The following GRIA3 variants were observed in gnomAD, a reference collection of about 807,000 sequenced individuals.
GRIA3 encodes the protein glutamate ionotropic receptor AMPA type subunit 3.
A neutral mutation model predicts 63.0 loss-of-function variants in GRIA3; 3 were observed. The ratio of observed to expected loss-of-function variants is 0.05; its 90% CI spans 0.02 to 0.12. The LOEUF (loss-of-function observed/expected upper bound fraction) is 0.12. GRIA3 is among the 10% of genes least tolerant of loss of function. The probability of loss-of-function intolerance (pLI) is 1.00; values close to 1 mark genes in which losing one functional copy is unlikely to be tolerated. For synonymous variants in GRIA3, 274 were observed against 257.9 expected (o/e 1.06, Z -0.60); for missense variants, 347 against 700.9 (o/e 0.50, Z 5.70).
At chrX:123,473,837 C>T (rs1328724306) in intron 13 of GRIA3, among the ~76,000 whole-genome samples, 2 of 111,765 alleles carry the variant, frequency 1.8e-5, no homozygotes, top group Non-Finnish European at 3.8e-5. Flanking sequence ...GCAAATGCAC[C>T]ACCCTTGCTC....
chrX:123,423,726 T>C (rs1044759782), intron 11 of GRIA3, among the ~76,000 whole-genome samples: 5 of 111,994 alleles, frequency 4.5e-5, no homozygotes, highest in Non-Finnish European at 9.4e-5. Flanking sequence ...GTTTGTACAA[T>C]AGAGAAGCAG....
chrX:123,225,643 T>C (rs16997193), intron 2 of GRIA3, among the ~76,000 whole-genome samples: 2 of 104,084 alleles, frequency 1.9e-5, no homozygotes, highest in African/African-American at 7.3e-5. Context: ...ATCCAAAGAC[T>C]TTTTTTCTAC....
intron 5 of GRIA3, among the ~76,000 whole-genome samples, chrX:123,384,192 G>A (rs981602927): frequency 5.4e-5 from 6 of 112,065 alleles, no homozygotes; most frequent in Admixed American, 9.5e-5. Context: ...ATAATGCAAC[G>A]ATTTATATTC....
chrX:123,229,618 G>T (rs1210781324), intron 2 of GRIA3, among the ~76,000 whole-genome samples: 2 of 111,470 alleles, frequency 1.8e-5, no homozygotes, highest in Non-Finnish European at 3.8e-5. Flanking sequence ...AGAGCAAGGT[G>T]CTTGTCTGGG....
At chrX:123,204,535 A>G in intron 2 of GRIA3, 1 of 1,164,124 alleles carries the variant, frequency 8.6e-7, no homozygotes, top group East Asian at 3.3e-5. Flanking sequence ...TGAAGCTGTA[A>G]AGTTGCAGGT....
At chrX:123,232,806 T>G (rs1326809347) in intron 2 of GRIA3, among the ~76,000 whole-genome samples, 1 of 110,763 alleles carries the variant, frequency 9.0e-6, no homozygotes, top group Non-Finnish European at 1.9e-5. Flanking sequence ...ATGGGCACTA[T>G]TTGTTTTATA....
chrX:123,202,144 C>T (rs1427212367), intron 2 of GRIA3, among the ~76,000 whole-genome samples: 1 of 112,364 alleles, frequency 8.9e-6, no homozygotes, highest in Non-Finnish European at 1.9e-5. Flanking sequence ...ATACAGCCCA[C>T]GTCAGGCAAG....
Position 123,470,575 on chromosome X carries a change from T to C in GRIA3, c.2324+5463T>C, listed in dbSNP as rs58009413. Among the ~76,000 whole-genome samples the C allele has an allele frequency of 7.7e-3, 867 of 111,960 alleles. 12 individuals are homozygous for C. Among genetic ancestry groups the C allele is most frequent in the African/African-American group, 0.027 (819 of 30,838 alleles). ...GCTTAGCAAGTCTTCTCTTCAAAGA[T>C]AGTAAAAAGTTACACTCTCGGACAG... On this transcript the variant is annotated intron_variant, in intron 13 of 15. Coordinates refer to ENST00000620443, the MANE Select transcript of GRIA3 (RefSeq NM_007325.5).
intron 3 of GRIA3, among the ~76,000 whole-genome samples, chrX:123,317,815 C>G (rs998909311): frequency 8.9e-6 from 1 of 112,347 alleles, no homozygotes; most frequent in Non-Finnish European, 1.9e-5. Context: ...TCTCTTCTCA[C>G]AGCTCCATTA....
At chrX:123,333,217 C>G (rs909079528) in intron 4 of GRIA3, among the ~76,000 whole-genome samples, 3 of 111,581 alleles carry the variant, frequency 2.7e-5, no homozygotes, top group Non-Finnish European at 5.7e-5. Flanking sequence ...AGGTCATGCC[C>G]CCATGAGAGA....
chrX:123,215,413 T>C lies in GRIA3; in HGVS notation c.268+29423T>C, dbSNP rs772535517. Among the ~76,000 whole-genome samples the C allele has an allele frequency of 8.9e-5, 10 of 112,150 alleles. No homozygotes were observed. The East Asian group carries it at 2.8e-3, about 31-fold the overall frequency. On this transcript the variant is annotated intron_variant, in intron 2 of 15. Transcript: ENST00000620443. The stretch of plus-strand genomic sequence containing the variant: ...ACACACAAATCTTCTATTATAAATA[T>C]GAAGTTCACAAACTGTTCGTTCCTT...
Position 123,339,808 on chromosome X carries a change from T to C in GRIA3, c.696+13595T>C, listed in dbSNP as rs1242003428. Reference sequence around the variant, plus strand: ...TGTCATAAGACAGAACAGTAAAACCTGATACTAATAAGAATACGGGTTATA... The same window carrying C: ...TGTCATAAGACAGAACAGTAAAACCCGATACTAATAAGAATACGGGTTATA... On this transcript the variant is annotated intron_variant, in intron 4 of 15. Coordinates refer to ENST00000620443, the MANE Select transcript of GRIA3 (RefSeq NM_007325.5). Among the ~76,000 whole-genome samples the C allele has an allele frequency of 4.4e-5, 5 of 112,729 alleles. No homozygotes were observed. The South Asian group carries it at 1.5e-3, about 33-fold the overall frequency.
At chrX:123,424,620 G>T (rs2045580940) in intron 11 of GRIA3, among the ~76,000 whole-genome samples, 1 of 111,398 alleles carries the variant, frequency 9.0e-6, no homozygotes, top group Non-Finnish European at 1.9e-5. Flanking sequence ...ATGATCATAG[G>T]TATATCATGA....
At chrX:123,362,423 G>A (rs1024457917) in intron 5 of GRIA3, among the ~76,000 whole-genome samples, 6 of 111,443 alleles carry the variant, frequency 5.4e-5, no homozygotes, top group African/African-American at 1.3e-4. Context: ...GCTACATGAC[G>A]AAACAGGGAG....
At chrX:123,229,024 T>G (rs1490321001) in intron 2 of GRIA3, among the ~76,000 whole-genome samples, 1 of 111,254 alleles carries the variant, frequency 9.0e-6, no homozygotes, top group African/African-American at 3.3e-5. Context: ...TCGCTGGGGT[T>G]GAAATGCTAG....
At chrX:123,389,104 T>C (rs1460964347) in intron 5 of GRIA3, among the ~76,000 whole-genome samples, 3 of 112,566 alleles carry the variant, frequency 2.7e-5, no homozygotes, top group South Asian at 3.6e-4. Context: ...TTTGATATTC[T>C]AAATTTTTTT....
chrX:123,416,223 C>A (rs2045536048), intron 10 of GRIA3, among the ~76,000 whole-genome samples: 1 of 112,050 alleles, frequency 8.9e-6, no homozygotes, highest in Non-Finnish European at 1.9e-5. Flanking sequence ...AAGGAGTATT[C>A]CTCAACTGGT....
At chrX:123,330,967 TAATA>T (rs779773147) in intron 4 of GRIA3, among the ~76,000 whole-genome samples, 2 of 112,420 alleles carry the variant, frequency 1.8e-5, no homozygotes, top group South Asian at 3.7e-4. Flanking sequence ...TAGACTTATT[TAATA>T]AATAGTATTT....
At chrX:123,354,693 T>A (rs745869092) in intron 4 of GRIA3, among the ~76,000 whole-genome samples, 1 of 111,151 alleles carries the variant, frequency 9.0e-6, no homozygotes, top group South Asian at 3.8e-4. Flanking sequence ...TTTAGGGAGT[T>A]TTTTTCCCCT....
Sources: gnomAD v4.1 joint callset for allele counts (sites outside exome capture counted in the v4.1 genomes callset) on GRCh38, gnomAD v4.1.1 for gene constraint, MANE v1.5 for transcripts, NCBI Gene and HGNC (gene_info 2026-07-23, HGNC 2026-07-21) for gene names.